USP10: variants seen among roughly 807,000 people sequenced by gnomAD.
USP10 encodes ubiquitin specific peptidase 10, also known as ubiquitin carboxyl-terminal hydrolase 10.
USP10 carries 22 observed loss-of-function variants against 84.5 expected under a neutral mutation model. That is an observed-to-expected ratio of 0.26 (90% CI 0.19 to 0.37). The LOEUF (loss-of-function observed/expected upper bound fraction) is 0.37, where lower values mean the gene tolerates loss of function less well. Among genes scored for constraint, USP10 ranks in the 10% least tolerant of loss-of-function variants. The pLI is 1.00. For synonymous variants in USP10, 454 were observed against 387.6 expected (o/e 1.17, Z -2.01); for missense variants, 1,019 against 998.9 (o/e 1.02, Z -0.27).
intron 8 of USP10, 52 bp from the exon 9 acceptor site, chr16:84,762,937 G>C: frequency 8.7e-7 from 1 of 1,147,398 alleles, no homozygotes. Flanking sequence ...TGTCCTGCAG[G>C]CCTTTGACAG....
chr16:84,748,372 C>T (rs909378138), intron 4 of USP10, among the ~76,000 whole-genome samples: 6 of 151,974 alleles, frequency 3.9e-5, no homozygotes, highest in South Asian at 2.1e-4. Context: ...GGCGCAATCT[C>T]GGCTCACTGC....
At position 84,760,215 on chromosome 16, in the gene USP10, C is replaced by A; in HGVS notation, c.1494C>A (p.Ala498=). Residue 498 remains alanine, a synonymous_variant, in exon 8 of 14, where the codon GCC becomes GCA. Transcript: ENST00000219473. ...KIVRDIRPGA[A]FEPTYIYRLL... ...TGAGGGATATTCGCCCTGGAGCTGC[C>A]TTTGAGCCCACATATATTTACAGAC... 1 of 1,611,198 alleles carries A rather than the reference C, an allele frequency of 6.2e-7. No individual in the cohort carries two copies. The highest frequency in any genetic ancestry group is 8.5e-7 in the Non-Finnish European group (1 of 1,178,624).
chr16:84,777,657 G>T (rs1915157360), intron 13 of USP10, among the ~76,000 whole-genome samples: 1 of 152,016 alleles, frequency 6.6e-6, no homozygotes, highest in Admixed American at 6.5e-5. Flanking sequence ...CTGACTGGTG[G>T]CCTCAGTCAT....
At position 84,752,389 on chromosome 16, in the gene USP10, C is replaced by G. The variant is rs371926879; in HGVS notation, c.1193-6327C>G. Among the ~76,000 whole-genome samples, 18 of 152,304 alleles carry G rather than the reference C, an allele frequency of 1.2e-4. No homozygotes were observed. In the South Asian group the frequency reaches 3.7e-3, roughly 32 times the overall value. ...GCCCTTAAAGAAGGTAAAATAGATA[C>G]ACCAATGGCAATGACTTTGGAATGC... is the stretch of plus-strand genomic sequence containing the variant. On this transcript the variant is annotated intron_variant, in intron 4 of 13. Transcript: ENST00000219473.
intron 1 of USP10, among the ~76,000 whole-genome samples, chr16:84,710,389 T>C (rs1334899184): frequency 6.6e-6 from 1 of 152,080 alleles, no homozygotes; most frequent in Non-Finnish European, 1.5e-5. Flanking sequence ...GGGACTCTAC[T>C]CTCTGCTCAT....
rs143796266 is a variant in USP10 at position 84,759,652 on chromosome 16, T to C, written c.1394+180T>C. 1.7e-3 allele frequency among the ~76,000 whole-genome samples: 265 copies of C among 152,340 alleles called. 1 individual carries two copies. The highest frequency in any genetic ancestry group is 5.8e-3 in the African/African-American group (240 of 41,584). On this transcript the variant is annotated intron_variant, in intron 6 of 13. Coordinates refer to ENST00000219473, the MANE Select transcript of USP10 (RefSeq NM_005153.3). ...GTTAACCAGAAATGGAATTGGAGCA[T>C]TGATGATCTGTGTTCTTTAGATTCA...
intron 1 of USP10, among the ~76,000 whole-genome samples, chr16:84,700,520 G>A (rs1336837947): frequency 5.9e-5 from 9 of 152,108 alleles, no homozygotes; most frequent in African/African-American, 1.9e-4. Context: ...AGCAGCTCAG[G>A]TTGCTGCCTC....
At chr16:84,727,946 C>T (rs770384433) in intron 1 of USP10, among the ~76,000 whole-genome samples, 3 of 152,156 alleles carry the variant, frequency 2.0e-5, no homozygotes, top group Non-Finnish European at 4.4e-5. Context: ...TTTTCCCTTC[C>T]AGCACAGGAT....
intron 11 of USP10, among the ~76,000 whole-genome samples, chr16:84,769,608 A>G (rs1225181918): frequency 2.0e-5 from 3 of 151,858 alleles, no homozygotes; most frequent in Admixed American, 2.0e-4. Flanking sequence ...GGCTTGGCTC[A>G]CTTCTGTGGC....
intron 2 of USP10, among the ~76,000 whole-genome samples, chr16:84,737,083 C>T (rs111639576): frequency 3.9e-5 from 6 of 152,300 alleles, no homozygotes; most frequent in African/African-American, 7.2e-5. Context: ...CCACCACGCC[C>T]GGCCTAATTT....
intron 1 of USP10, among the ~76,000 whole-genome samples, chr16:84,725,193 C>T (rs957741394): frequency 1.3e-5 from 2 of 152,158 alleles, no homozygotes; most frequent in East Asian, 1.9e-4. Flanking sequence ...CACCGCCTCC[C>T]GCTCCCCCAT....
chr16:84,711,874 C>T (rs1177993951), intron 1 of USP10, among the ~76,000 whole-genome samples: 1 of 152,024 alleles, frequency 6.6e-6, no homozygotes, highest in African/African-American at 2.4e-5. Context: ...TGCGTGCCAC[C>T]ATGGCTGGCT....
At chr16:84,758,395 A>T (rs1197537168) in intron 4 of USP10, among the ~76,000 whole-genome samples, 1 of 152,142 alleles carries the variant, frequency 6.6e-6, no homozygotes, top group African/African-American at 2.4e-5. Context: ...GTATCTCTCA[A>T]ATCTATTCTC....
At chr16:84,775,019 A>G (rs1914849989) in intron 12 of USP10, 141 bp from the exon 13 acceptor site, 2 of 705,300 alleles carry the variant, frequency 2.8e-6, no homozygotes, top group East Asian at 2.8e-5. Context: ...ATTTTTGTGC[A>G]ACTGAAGGGA....
chr16:84,720,682 C>T (rs950837848), intron 1 of USP10, among the ~76,000 whole-genome samples: 11 of 140,864 alleles, frequency 7.8e-5, no homozygotes, highest in African/African-American at 2.7e-4. Context: ...CCTGGGTTCA[C>T]GCCATTCTCC....
At chr16:84,742,950 A>G (rs1006533665) in intron 3 of USP10, among the ~76,000 whole-genome samples, 1 of 152,222 alleles carries the variant, frequency 6.6e-6, no homozygotes, top group African/African-American at 2.4e-5. Flanking sequence ...TCAGTCTTGC[A>G]TAAGCTGAAT....
At chr16:84,757,001 G>A (rs1912618994) in intron 4 of USP10, among the ~76,000 whole-genome samples, 1 of 152,216 alleles carries the variant, frequency 6.6e-6, no homozygotes, top group South Asian at 2.1e-4. Flanking sequence ...CAGGTTCACA[G>A]GTCATTTCAG....
intron 3 of USP10, among the ~76,000 whole-genome samples, chr16:84,741,735 G>T (rs1380565270): frequency 1.3e-5 from 2 of 152,178 alleles, no homozygotes; most frequent in African/African-American, 4.8e-5. Flanking sequence ...TGACAGGCCT[G>T]CTTTTCTCTG....
chr16:84,752,645 A>G (rs1912067077), intron 4 of USP10, among the ~76,000 whole-genome samples: 1 of 152,250 alleles, frequency 6.6e-6, no homozygotes, highest in South Asian at 2.1e-4. Flanking sequence ...TGACTTTTGC[A>G]TGATAACAAT....
Sources: allele counts gnomAD v4.1 joint callset (sites outside exome capture counted in the v4.1 genomes callset), GRCh38; gene constraint gnomAD v4.1.1; transcripts MANE v1.5; gene names NCBI Gene and HGNC (gene_info 2026-07-23, HGNC 2026-07-21).